TPCN1: variants seen among roughly 807,000 people sequenced by gnomAD.
The protein encoded by TPCN1 is two pore channel protein 1.
In TPCN1, 52 loss-of-function variants were observed where a neutral mutation model predicts 108.8. The observed-to-expected ratio is 0.48, with a 90% CI of 0.38 to 0.60. The LOEUF (loss-of-function observed/expected upper bound fraction) is 0.60. TPCN1 is among the 20% of genes least tolerant of loss of function. The probability of loss-of-function intolerance (pLI) is 0.00; values close to 1 mark genes in which losing one functional copy is unlikely to be tolerated. For missense variants in TPCN1, 806 were observed against 1,072.8 expected (o/e 0.75, Z 3.47); for synonymous variants, 446 against 433.7 (o/e 1.03, Z -0.35).
chr12:113,278,156 A>G (rs547853572), intron 12 of TPCN1, 33 bp from the exon 13 acceptor site: 1 of 1,598,800 alleles, frequency 6.3e-7, no homozygotes, highest in East Asian at 2.2e-5. Flanking sequence ...CTATGTTCTG[A>G]TATTTTGTCC....
At chr12:113,259,122 A>C (rs186591572) in intron 2 of TPCN1, among the ~76,000 whole-genome samples, 4 of 151,942 alleles carry the variant, frequency 2.6e-5, no homozygotes, top group African/African-American at 9.7e-5. Context: ...GATTACAGGC[A>C]CCTTCCACCA....
At position 113,284,775 on chromosome 12, in the gene TPCN1, C is replaced by G. The variant is rs376851111; in HGVS notation, c.1453+4C>G. ...AGTTACCTCGTCTTTCTAACTAGTA[C>G]GTTTCCGACATGGCTTTGCTGGACT... On this transcript the variant is annotated splice_donor_region_variant and intron_variant, in intron 17 of 27. Coordinates refer to ENST00000335509, the MANE Select transcript of TPCN1 (RefSeq NM_017901.6). This position sits in a 1 kb window ranked among gnomAD's most constrained non-coding sequence, Gnocchi z 4.1. The G allele has an allele frequency of 6.2e-7, 1 of 1,614,158 alleles. No individual in the cohort carries two copies. The highest frequency in any genetic ancestry group is 1.1e-5 in the South Asian group (1 of 91,088).
At chr12:113,237,616 C>T (rs1953947432) in intron 2 of TPCN1, among the ~76,000 whole-genome samples, 1 of 152,302 alleles carries the variant, frequency 6.6e-6, no homozygotes, top group East Asian at 1.9e-4. Context: ...ACCTCGGCCT[C>T]CCAAGGTGCT....
intron 2 of TPCN1, among the ~76,000 whole-genome samples, chr12:113,238,160 T>C (rs1953966053): frequency 6.6e-6 from 1 of 152,190 alleles, no homozygotes; most frequent in South Asian, 2.1e-4. Context: ...CCTATCCTCA[T>C]AGCCACACTT....
intron 2 of TPCN1, among the ~76,000 whole-genome samples, chr12:113,241,277 G>C (rs949810735): frequency 1.3e-5 from 2 of 152,242 alleles, no homozygotes; most frequent in African/African-American, 4.8e-5. Flanking sequence ...TCCTCCAGCT[G>C]TCACTTCCCC....
chr12:113,279,399 T>A (rs1322605624), intron 14 of TPCN1, among the ~76,000 whole-genome samples: 4 of 91,548 alleles, frequency 4.4e-5, no homozygotes, highest in Non-Finnish European at 6.5e-5. Flanking sequence ...ATATTTTTTT[T>A]TTTTTTTTTT....
chr12:113,232,824 G>A lies in TPCN1; in HGVS notation c.112+5860G>A, dbSNP rs1399527929. Among the ~76,000 whole-genome samples the A allele has an allele frequency of 6.6e-6, 1 of 152,148 alleles. No individual in the cohort carries two copies. Among genetic ancestry groups the A allele is most frequent in the Non-Finnish European group, 1.5e-5 (1 of 68,030 alleles). On this transcript the variant is annotated intron_variant, in intron 2 of 27. Transcript: ENST00000335509. The surrounding 1 kb of genome is among the most constrained non-coding windows in gnomAD (Gnocchi z 5.6). The stretch of plus-strand genomic sequence containing the variant: ...CTTGGAATATCCTCCATGAGCAGAG[G>A]TCCTGAACCCAGGCCACGATTCAGA...
At chr12:113,290,575 CTGCCCCCTGGCTCAGACT>C (rs1382951539) in intron 22 of TPCN1, among the ~76,000 whole-genome samples, 1 of 152,242 alleles carries the variant, frequency 6.6e-6, no homozygotes, top group Non-Finnish European at 1.5e-5. Context: ...TGCAGCTGCA[CTGCCCCCTGGCTCAGACT>C]GCACACAGCC....
rs1173859366 is a variant in TPCN1, at chr12:113,296,106, C to G, written c.*30C>G. 4 of 1,608,876 alleles carry G rather than the reference C, an allele frequency of 2.5e-6. No individual in the cohort carries two copies. Among genetic ancestry groups the G allele is most frequent in the Non-Finnish European group, 3.4e-6 (4 of 1,176,582 alleles). ...GCGCCCGAAAGCCGTCTCTTCTATG[C>G]AATAACACAATAGTATTACTCTACT... On this transcript the variant is annotated 3_prime_UTR_variant, in exon 28 of 28. Coordinates refer to ENST00000335509, the MANE Select transcript of TPCN1 (RefSeq NM_017901.6).
At chr12:113,283,951 G>A (rs1388679998) in intron 15 of TPCN1, among the ~76,000 whole-genome samples, 2 of 152,190 alleles carry the variant, frequency 1.3e-5, no homozygotes, top group Non-Finnish European at 2.9e-5. Flanking sequence ...TGGGATTACA[G>A]GTGTGAGCCA....
rs748416923 is a variant in TPCN1 at position 113,268,877 on chromosome 12, G to C, written c.659+5G>C. 6.2e-7 allele frequency: 1 copy of C among 1,613,636 alleles called. No homozygotes were observed. Among genetic ancestry groups the C allele is most frequent in the South Asian group, 1.1e-5 (1 of 91,058 alleles). On this transcript the variant is annotated splice_donor_5th_base_variant and intron_variant, in intron 6 of 27. Transcript: ENST00000335509. The surrounding 1 kb of genome is among the most constrained non-coding windows in gnomAD (Gnocchi z 7.3). ...GTATTGCGGTGGCGTCCGGCGGTAA[G>C]GCCCGGGTGGGGAGCTGGGCAGTCA... is the stretch of plus-strand genomic sequence containing the variant.
At chr12:113,278,909 T>A (rs1435923865) in intron 14 of TPCN1, 74 bp downstream of exon 14, 12 of 1,389,354 alleles carry the variant, frequency 8.6e-6, no homozygotes, top group Non-Finnish European at 1.0e-5. Flanking sequence ...CAGATAAGCG[T>A]CTGAGGAGAG....
chr12:113,223,285 T>G (rs1242696864), intron 1 of TPCN1, among the ~76,000 whole-genome samples: 1 of 152,218 alleles, frequency 6.6e-6, no homozygotes, highest in East Asian at 1.9e-4. Context: ...CTTGGAGTTG[T>G]TCCAATGATT....
intron 2 of TPCN1, among the ~76,000 whole-genome samples, chr12:113,246,958 A>G (rs961373429): frequency 6.6e-6 from 1 of 152,182 alleles, no homozygotes; most frequent in Non-Finnish European, 1.5e-5. Flanking sequence ...CTGGTACTCC[A>G]AAGATGCGAG....
In TPCN1 at chr12:113,269,732, C is replaced by T. The variant is rs756298654; in HGVS notation, c.660-25C>T. On this transcript the variant is annotated intron_variant, in intron 6 of 27. Coordinates refer to ENST00000335509, the MANE Select transcript of TPCN1 (RefSeq NM_017901.6). This position sits in a 1 kb window ranked among gnomAD's most constrained non-coding sequence, Gnocchi z 5.0. ...GCAGCCCGCCCCAGCTGGTGCCTCC[C>T]CTGAGCTGGCCCATCTCTCCCCAGC... 14 of 1,610,740 alleles carry T rather than the reference C, an allele frequency of 8.7e-6. No homozygotes were observed. The Admixed American group carries it at 1.7e-4, about 19-fold the overall frequency.
chr12:113,280,868 G>A (rs1955864231), intron 15 of TPCN1, among the ~76,000 whole-genome samples: 2 of 152,156 alleles, frequency 1.3e-5, no homozygotes, highest in African/African-American at 2.4e-5. Flanking sequence ...GGTGCTGGGT[G>A]CTCATTGCTT....
intron 10 of TPCN1, among the ~76,000 whole-genome samples, chr12:113,274,794 G>A (rs1955618399): frequency 6.6e-6 from 1 of 152,204 alleles, no homozygotes; most frequent in Non-Finnish European, 1.5e-5. Context: ...ATTTGCCCAT[G>A]GCTACATAGC....
Position 113,226,789 on chromosome 12 carries a change from G to A in TPCN1, c.-64G>A. ...CCTGGCCCAGTGGCTTTGAAAGGGA[G>A]CTCAAACCAGAGACTATTTCAAGCC... On this transcript the variant is annotated 5_prime_UTR_variant, in exon 2 of 28. Coordinates refer to ENST00000335509, the MANE Select transcript of TPCN1 (RefSeq NM_017901.6). The A allele has an allele frequency of 6.2e-7, 1 of 1,608,566 alleles. No individual in the cohort carries two copies. The highest frequency in any genetic ancestry group is 8.5e-7 in the Non-Finnish European group (1 of 1,177,376).
chr12:113,292,920 T>C lies in TPCN1; in HGVS notation c.2114-14T>C, dbSNP rs551576959. ...GCCCCGGGCCCTTCCCACACCTGCC[T>C]TCCATCCCTGCAGTTGATGGTGGCA... On this transcript the variant is annotated splice_polypyrimidine_tract_variant and intron_variant, in intron 25 of 27. Transcript: ENST00000335509. 9.3e-6 allele frequency: 15 copies of C among 1,608,890 alleles called. No homozygotes were observed. Among genetic ancestry groups the C allele is most frequent in the Admixed American group, 1.7e-5 (1 of 59,664 alleles).
Sources: allele counts gnomAD v4.1 joint callset (sites outside exome capture counted in the v4.1 genomes callset), GRCh38; gene constraint gnomAD v4.1.1; non-coding constraint Gnocchi (gnomAD v3.1); transcripts MANE v1.5; gene names NCBI Gene and HGNC (gene_info 2026-07-23, HGNC 2026-07-21).